Variants in NTRK2 observed in about 807,000 individuals in gnomAD.
The protein encoded by NTRK2 is neurotrophic receptor tyrosine kinase 2.
Under a neutral mutation model 94.5 loss-of-function variants are expected in NTRK2, and 13 were observed. That is an observed-to-expected ratio of 0.14 (90% confidence interval 0.09 to 0.22). The LOEUF is 0.22. Among genes scored for constraint, NTRK2 ranks in the 10% least tolerant of loss-of-function variants. The pLI, the probability that NTRK2 is intolerant of heterozygous loss-of-function variation, is 1.00. For missense variants in NTRK2, 639 were observed against 1,071.2 expected, an observed-to-expected ratio of 0.60 and a Z score of 5.63; for synonymous variants, 372 against 407.4, an observed-to-expected ratio of 0.91 and a Z score of 1.05.
chr9:84,932,088 A>G (rs528050909), intron 14 of NTRK2, among the ~76,000 whole-genome samples: 3 of 152,352 alleles, frequency 2.0e-5, no homozygotes, highest in Admixed American at 6.5e-5. Flanking sequence ...ATCGGGGGGA[A>G]AGAAAAATCC....
intron 14 of NTRK2, chr9:84,875,098 T>G: frequency 9.4e-7 from 1 of 1,060,394 alleles, no homozygotes. Flanking sequence ...CGTTTGGATA[T>G]ATGGCTTTCT....
At chr9:84,814,586 A>G in intron 12 of NTRK2, 1 of 1,065,778 alleles carries the variant, frequency 9.4e-7, no homozygotes, top group South Asian at 4.6e-5. Flanking sequence ...ACTACACAAG[A>G]CCTGTGCTTT....
At chr9:84,960,290 G>T (rs888705938) in intron 17 of NTRK2, among the ~76,000 whole-genome samples, 2 of 152,278 alleles carry the variant, frequency 1.3e-5, no homozygotes, top group Admixed American at 1.3e-4. Context: ...CAGATGAACA[G>T]ATATGAATTT....
chr9:84,870,320 G>GGT (rs369162349), intron 14 of NTRK2, among the ~76,000 whole-genome samples: 2,048 of 46,288 alleles, frequency 0.044, 219 homozygotes, highest in African/African-American at 0.1. Flanking sequence ...ATATATGTGG[G>GGT]GTGTGTGTGT....
intron 15 of NTRK2, among the ~76,000 whole-genome samples, chr9:84,947,363 C>T (rs973574677): frequency 1.3e-5 from 2 of 152,212 alleles, no homozygotes; most frequent in Non-Finnish European, 2.9e-5. Context: ...TGCAAAGCTG[C>T]ATTTGCCACA....
intron 12 of NTRK2, among the ~76,000 whole-genome samples, chr9:84,775,137 G>C (rs1424122185): frequency 6.6e-6 from 1 of 152,222 alleles, no homozygotes; most frequent in East Asian, 1.9e-4. Flanking sequence ...ATGAGGCTGA[G>C]AGAGGCCGTC....
intron 11 of NTRK2, among the ~76,000 whole-genome samples, chr9:84,746,930 G>A (rs1361815088): frequency 6.6e-6 from 1 of 152,146 alleles, no homozygotes; most frequent in East Asian, 1.9e-4. Context: ...TAGGGGCAAC[G>A]TGGTCAGTGT....
intron 12 of NTRK2, among the ~76,000 whole-genome samples, chr9:84,851,316 C>G (rs544446604): frequency 1.0e-3 from 157 of 152,320 alleles, no homozygotes; most frequent in Non-Finnish European, 1.8e-3. Context: ...AATGCAGTCT[C>G]ATCTGATGGG....
chr9:84,983,296 C>T (rs997040238), intron 17 of NTRK2, among the ~76,000 whole-genome samples: 1 of 152,184 alleles, frequency 6.6e-6, no homozygotes, highest in Non-Finnish European at 1.5e-5. Context: ...TAGGCACAGG[C>T]TCTGTCCTGT....
intron 17 of NTRK2, among the ~76,000 whole-genome samples, chr9:84,967,141 G>C (rs1422326784): frequency 6.6e-6 from 1 of 152,194 alleles, no homozygotes; most frequent in Non-Finnish European, 1.5e-5. Context: ...AGGTGAGCTT[G>C]ACTCATTCTC....
chr9:84,747,547 G>A (rs549553503), intron 11 of NTRK2, among the ~76,000 whole-genome samples: 28 of 144,274 alleles, frequency 1.9e-4, no homozygotes, highest in African/African-American at 7.0e-4. Flanking sequence ...GCACGATCTC[G>A]GCTCACTGCA....
At chr9:84,921,170 A>G in intron 14 of NTRK2, among the ~76,000 whole-genome samples, 1 of 152,174 alleles carries the variant, frequency 6.6e-6, no homozygotes, top group Middle Eastern at 3.2e-3. Flanking sequence ...CCAGGACCCC[A>G]AAGGACCCCA....
At chr9:84,808,606 A>G (rs187472535) in intron 12 of NTRK2, among the ~76,000 whole-genome samples, 1 of 152,324 alleles carries the variant, frequency 6.6e-6, no homozygotes, top group African/African-American at 2.4e-5. Flanking sequence ...GCACTGTTAA[A>G]CTAGCTCAGC....
chr9:84,876,157 G>T (rs1423349938), intron 14 of NTRK2: 2 of 1,040,376 alleles, frequency 1.9e-6, no homozygotes, highest in Non-Finnish European at 2.3e-6. Context: ...CTCCTCATTA[G>T]ATAATAATGG....
At chr9:84,838,036 G>A in intron 12 of NTRK2, among the ~76,000 whole-genome samples, 1 of 152,152 alleles carries the variant, frequency 6.6e-6, no homozygotes. Flanking sequence ...TAGATATTAT[G>A]CTTTCTTCAA....
At chr9:85,017,222 C>A (rs1355019441) in intron 17 of NTRK2, among the ~76,000 whole-genome samples, 1 of 152,204 alleles carries the variant, frequency 6.6e-6, no homozygotes, top group Non-Finnish European at 1.5e-5. Context: ...AAGAAAGCCA[C>A]ACCTCAAAAG....
At chr9:84,673,132 T>A (rs2058805796) in intron 2 of NTRK2, among the ~76,000 whole-genome samples, 1 of 152,200 alleles carries the variant, frequency 6.6e-6, no homozygotes, top group Non-Finnish European at 1.5e-5. Context: ...CTATCTCAGC[T>A]TTGTGTGAGC....
chr9:85,013,535 G>A (rs1038774823), intron 17 of NTRK2, among the ~76,000 whole-genome samples: 1 of 152,068 alleles, frequency 6.6e-6, no homozygotes, highest in African/African-American at 2.4e-5. Context: ...TCCTGACCTC[G>A]TCATCTGCCC....
chr9:84,733,177 C>T (rs954749378), intron 9 of NTRK2, among the ~76,000 whole-genome samples: 3 of 152,150 alleles, frequency 2.0e-5, no homozygotes, highest in South Asian at 2.1e-4. Context: ...CCATGGAAGC[C>T]CCTTGGTGGG....
Sources: gnomAD v4.1 joint callset for allele counts (sites outside exome capture counted in the v4.1 genomes callset) on GRCh38, gnomAD v4.1.1 for gene constraint, MANE v1.5 for transcripts, NCBI Gene and HGNC (gene_info 2026-07-23, HGNC 2026-07-21) for gene names.